Variants in DLG2 observed in about 807,000 individuals in gnomAD.
DLG2 encodes discs large MAGUK scaffold protein 2.
Under a neutral mutation model 132.5 loss-of-function variants are expected in DLG2, and 45 were observed. The observed-to-expected ratio is 0.34, with a 90% CI of 0.27 to 0.44. The LOEUF (loss-of-function observed/expected upper bound fraction) is 0.44, where lower values mean the gene tolerates loss of function less well. Ranked by LOEUF, DLG2 falls within the 20% of genes least tolerant of loss-of-function variation. DLG2 has a pLI of 1.00. For synonymous variants in DLG2, 424 were observed against 419.6 expected (o/e 1.01, Z -0.13); for missense variants, 1,045 against 1,196.9 (o/e 0.87, Z 1.87).
At chr11:84,277,503 T>A (rs1360455349) in intron 7 of DLG2, among the ~76,000 whole-genome samples, 4 of 152,100 alleles carry the variant, frequency 2.6e-5, no homozygotes, top group African/African-American at 4.8e-5. Context: ...AAATTAAAAA[T>A]GAGAATATAT....
chr11:84,673,505 A>G (rs1595468900), intron 6 of DLG2, among the ~76,000 whole-genome samples: 1 of 151,838 alleles, frequency 6.6e-6, no homozygotes, highest in Non-Finnish European at 1.5e-5. Flanking sequence ...AGTGCCTACC[A>G]TATAGCATAT....
intron 4 of DLG2, among the ~76,000 whole-genome samples, chr11:85,187,422 G>A (rs1225573900): frequency 1.3e-5 from 2 of 151,972 alleles, no homozygotes; most frequent in Non-Finnish European, 2.9e-5. Context: ...TATCTTACAA[G>A]GGAACTGCCA....
Position 85,315,529 on chromosome 11 carries a change from A to G in DLG2, c.41-30164T>C, listed in dbSNP as rs148643344. On this transcript the variant is annotated intron_variant, in intron 3 of 27. Transcript: ENST00000376104. ...TAAGACTGCTCTACAACATGCTACT[A>G]TGTATTTCTGGATTGCTGTGCATGC... is the stretch of plus-strand genomic sequence containing the variant. 3.5e-3 allele frequency among the ~76,000 whole-genome samples: 530 copies of G among 151,992 alleles called. 23 individuals carry two copies. In the East Asian group the frequency reaches 0.088, roughly 25 times the overall value.
chr11:84,284,273 A>G (rs1022896302), intron 7 of DLG2, among the ~76,000 whole-genome samples: 4 of 152,168 alleles, frequency 2.6e-5, no homozygotes, highest in Non-Finnish European at 5.9e-5. Context: ...ATTTTTTCCT[A>G]TTTGAGAGAG....
chr11:83,953,031 G>A (rs957784891), intron 14 of DLG2, among the ~76,000 whole-genome samples: 3 of 152,030 alleles, frequency 2.0e-5, no homozygotes, highest in Non-Finnish European at 1.5e-5. Flanking sequence ...TTCAAGATGT[G>A]TTTTTACACA....
At position 84,637,083 on chromosome 11, in the gene DLG2, C is replaced by T. The variant is rs567009834; in HGVS notation, c.358-102352G>A. Among the ~76,000 whole-genome samples the T allele has an allele frequency of 3.3e-5, 5 of 152,122 alleles. No homozygotes were observed. In the South Asian group the frequency reaches 6.2e-4, roughly 19 times the overall value. On this transcript the variant is annotated intron_variant, in intron 6 of 27. Transcript: ENST00000376104. Reference sequence around the variant, plus strand: ...GATTATAGGTGTGAGCCACTGTGCCCGGCTGGGATGTCCTCTTTAATGGAC... The same window carrying T: ...GATTATAGGTGTGAGCCACTGTGCCTGGCTGGGATGTCCTCTTTAATGGAC...
At chr11:84,788,276 G>C (rs953490169) in intron 6 of DLG2, among the ~76,000 whole-genome samples, 1 of 152,054 alleles carries the variant, frequency 6.6e-6, no homozygotes, top group Non-Finnish European at 1.5e-5. Flanking sequence ...TGCTGAGAGA[G>C]GGTCAGAAAG....
chr11:83,590,075 A>C lies in DLG2; in HGVS notation c.1940+43136T>G, dbSNP rs1161713016. Reference sequence around the variant, plus strand: ...TAACACCCCACTGTCAACATTAGACAGATCAACGAGACAGAAGTCAACAAG... The same window carrying C: ...TAACACCCCACTGTCAACATTAGACCGATCAACGAGACAGAAGTCAACAAG... On this transcript the variant is annotated intron_variant, in intron 19 of 27. Coordinates refer to ENST00000376104, the MANE Select transcript of DLG2 (RefSeq NM_001142699.3). Among the ~76,000 whole-genome samples, 3 of 114,002 alleles carry C rather than the reference A, an allele frequency of 2.6e-5. No individual in the cohort carries two copies. The South Asian group carries it at 9.2e-4, about 35-fold the overall frequency. 74.8% of individuals were successfully genotyped at this position (114,002 alleles called of 152,430 possible).
intron 6 of DLG2, among the ~76,000 whole-genome samples, chr11:84,535,965 A>ATATATATATATATAT (rs1209865425): frequency 7.3e-5 from 11 of 151,462 alleles, no homozygotes; most frequent in African/African-American, 1.7e-4. Context: ...ATATATATAT[A>ATATATATATATATAT]AAACTTCTAG....
At chr11:84,370,773 T>G (rs1262348034) in intron 7 of DLG2, among the ~76,000 whole-genome samples, 1 of 152,134 alleles carries the variant, frequency 6.6e-6, no homozygotes, top group African/African-American at 2.4e-5. Context: ...AAGAAATTAT[T>G]GGTGAACTGA....
chr11:85,185,462 G>T (rs568281590), intron 4 of DLG2, among the ~76,000 whole-genome samples: 1 of 151,882 alleles, frequency 6.6e-6, no homozygotes, highest in Non-Finnish European at 1.5e-5. Flanking sequence ...GGTTGTTTTG[G>T]ACTAAATGTT....
At chr11:83,967,983 A>C (rs2090571621) in intron 12 of DLG2, among the ~76,000 whole-genome samples, 1 of 152,148 alleles carries the variant, frequency 6.6e-6, no homozygotes, top group African/African-American at 2.4e-5. Flanking sequence ...GCCTTTCTTC[A>C]TCATGTTCTC....
intron 3 of DLG2, among the ~76,000 whole-genome samples, chr11:85,535,255 A>T (rs1598345039): frequency 6.6e-6 from 1 of 152,198 alleles, no homozygotes; most frequent in South Asian, 2.1e-4. Flanking sequence ...GAGGAGAAAA[A>T]AGAAAAAAAT....
At chr11:84,667,504 T>TGTTTTTTG (rs11464007) in intron 6 of DLG2, among the ~76,000 whole-genome samples, 1 of 144,514 alleles carries the variant, frequency 6.9e-6, no homozygotes, top group Non-Finnish European at 1.5e-5. Context: ...TTTTGTTTTT[T>TGTTTTTTG]TTTTTTTTTT....
chr11:85,492,611 T>A (rs1436435310), intron 3 of DLG2, among the ~76,000 whole-genome samples: 1 of 152,168 alleles, frequency 6.6e-6, no homozygotes, highest in Non-Finnish European at 1.5e-5. Flanking sequence ...GAAAATAGAT[T>A]TATACAAATA....
intron 19 of DLG2, among the ~76,000 whole-genome samples, chr11:83,625,629 GACTA>G (rs2062389513): frequency 6.6e-6 from 1 of 152,150 alleles, no homozygotes; most frequent in Admixed American, 6.6e-5. Context: ...GGAATAGAAC[GACTA>G]ACTGTGTTGA....
At chr11:85,534,236 G>A (rs959194554) in intron 3 of DLG2, among the ~76,000 whole-genome samples, 1 of 152,000 alleles carries the variant, frequency 6.6e-6, no homozygotes, top group Non-Finnish European at 1.5e-5. Flanking sequence ...AGTGTGAAAG[G>A]TGCGCCTGGT....
intron 6 of DLG2, among the ~76,000 whole-genome samples, chr11:84,913,851 C>T (rs867669724): frequency 4.6e-5 from 7 of 152,082 alleles, no homozygotes; most frequent in African/African-American, 1.4e-4. Flanking sequence ...CTTTTCCTAA[C>T]GAGTCTGAAA....
chr11:84,185,775 G>T (rs1470996993), intron 8 of DLG2, among the ~76,000 whole-genome samples: 1 of 152,110 alleles, frequency 6.6e-6, no homozygotes, highest in Non-Finnish European at 1.5e-5. Context: ...AGAGTTTTTA[G>T]CATGAAGGGT....
Sources: allele counts gnomAD v4.1 joint callset (sites outside exome capture counted in the v4.1 genomes callset), GRCh38; gene constraint gnomAD v4.1.1; transcripts MANE v1.5; gene names NCBI Gene and HGNC (gene_info 2026-07-23, HGNC 2026-07-21).